NRXN3: variants seen among roughly 807,000 people sequenced by gnomAD.
NRXN3 encodes neurexin 3, also known as neurexin III.
NRXN3 carries 32 observed loss-of-function variants against 137.6 expected under a neutral mutation model. The ratio of observed to expected loss-of-function variants is 0.23; its 90% CI spans 0.18 to 0.31. NRXN3 has a LOEUF of 0.31. Ranked by LOEUF, NRXN3 falls within the 10% of genes least tolerant of loss-of-function variation. The pLI, the probability that NRXN3 is intolerant of heterozygous loss-of-function variation, is 1.00. For missense variants in NRXN3, 1,574 were observed against 2,062.5 expected (o/e 0.76, Z 4.59); for synonymous variants, 798 against 784.5 (o/e 1.02, Z -0.29).
intron 19 of NRXN3, among the ~76,000 whole-genome samples, chr14:79,722,370 C>T (rs138216062): frequency 1.3e-5 from 2 of 152,042 alleles, no homozygotes; most frequent in Non-Finnish European, 2.9e-5. Context: ...AGGATAAAAT[C>T]GAATATCCTT....
Position 78,380,281 on chromosome 14 carries a change from C to T in NRXN3, c.757+82421C>T, listed in dbSNP as rs1157285491. ...GCGCCACTGCAGTCCGCAGTCCGGC[C>T]TGGGCGACAGAGCGAGACTCCGTCT... is the stretch of plus-strand genomic sequence containing the variant. On this transcript the variant is annotated intron_variant, in intron 4 of 20. Transcript: ENST00000335750. Among the ~76,000 whole-genome samples, 5 of 118,688 alleles carry T rather than the reference C, an allele frequency of 4.2e-5. No homozygotes were observed. The Admixed American group carries it at 6.4e-4, about 15-fold the overall frequency. 77.9% of individuals were successfully genotyped at this position (118,688 alleles called of 152,430 possible).
chr14:78,987,013 C>G (rs1179872758), intron 14 of NRXN3, among the ~76,000 whole-genome samples: 1 of 101,340 alleles, frequency 9.9e-6, no homozygotes, highest in African/African-American at 4.3e-5. Flanking sequence ...CAGAGCGAGA[C>G]TGTCTCAAAA....
At chr14:79,105,310 T>G (rs1465389097) in intron 15 of NRXN3, among the ~76,000 whole-genome samples, 1 of 152,156 alleles carries the variant, frequency 6.6e-6, no homozygotes, top group Admixed American at 6.6e-5. Flanking sequence ...AAAAAGAACT[T>G]CTTCAGTCAC....
At chr14:79,735,206 C>T (rs1329618629) in intron 19 of NRXN3, among the ~76,000 whole-genome samples, 1 of 152,146 alleles carries the variant, frequency 6.6e-6, no homozygotes, top group Non-Finnish European at 1.5e-5. Flanking sequence ...AGTCCAGGAC[C>T]TTGGGCTTAA....
chr14:79,129,872 T>A (rs1302479556), intron 15 of NRXN3, among the ~76,000 whole-genome samples: 1 of 138,594 alleles, frequency 7.2e-6, no homozygotes, highest in Non-Finnish European at 1.6e-5. Flanking sequence ...CTGTATTGGG[T>A]GCATATATAT....
intron 10 of NRXN3, among the ~76,000 whole-genome samples, chr14:78,876,309 T>C (rs568001654): frequency 5.3e-5 from 8 of 152,124 alleles, no homozygotes; most frequent in Non-Finnish European, 1.2e-4. Flanking sequence ...GAAAGCTAAA[T>C]GTCAGACTTG....
intron 15 of NRXN3, among the ~76,000 whole-genome samples, chr14:79,028,371 C>A (rs1005053183): frequency 1.3e-5 from 2 of 152,126 alleles, no homozygotes; most frequent in Non-Finnish European, 1.5e-5. Context: ...CTTTAAACAT[C>A]TTATCTGCAC....
intron 2 of NRXN3, among the ~76,000 whole-genome samples, chr14:78,271,386 C>G (rs529090494): frequency 6.6e-6 from 1 of 151,430 alleles, no homozygotes; most frequent in Non-Finnish European, 1.5e-5. Context: ...AGAAATTTGC[C>G]AAAAATATTT....
chr14:78,665,872 G>A (rs928710173), intron 6 of NRXN3, among the ~76,000 whole-genome samples: 11 of 152,122 alleles, frequency 7.2e-5, no homozygotes, highest in African/African-American at 2.4e-4. Context: ...GCTAGGCAAT[G>A]TCAATTTATC....
chr14:78,896,484 T>A (rs1277454326), intron 10 of NRXN3, among the ~76,000 whole-genome samples: 1 of 151,814 alleles, frequency 6.6e-6, no homozygotes, highest in Non-Finnish European at 1.5e-5. Context: ...TATATTCAGC[T>A]CCACAATGAT....
chr14:79,515,846 A>G (rs2096978693), intron 16 of NRXN3, among the ~76,000 whole-genome samples: 2 of 152,150 alleles, frequency 1.3e-5, no homozygotes, highest in Admixed American at 6.5e-5. Context: ...AGCAGTGTTT[A>G]GCGTGGCATA....
chr14:79,796,103 A>C (rs940943351), intron 19 of NRXN3, among the ~76,000 whole-genome samples: 2 of 152,170 alleles, frequency 1.3e-5, no homozygotes, highest in African/African-American at 4.8e-5. Context: ...AATCCTAGAG[A>C]GGACAGCACC....
In NRXN3 at chr14:78,258,049, T is replaced by A. The variant is rs183906837; in HGVS notation, c.709+14247T>A. Among the ~76,000 whole-genome samples, 4 of 152,324 alleles carry A rather than the reference T, an allele frequency of 2.6e-5. No homozygotes were observed. In the East Asian group the frequency reaches 7.7e-4, roughly 29 times the overall value. ...GCCTGTCACATACTAAACTGCAAAT[T>A]TGGGCAAATAATCTCACTTCTCTGT... On this transcript the variant is annotated intron_variant, in intron 2 of 20. Coordinates refer to ENST00000335750, the MANE Select transcript of NRXN3 (RefSeq NM_001330195.2).
intron 1 of NRXN3, among the ~76,000 whole-genome samples, chr14:78,211,971 G>C (rs951763335): frequency 6.6e-6 from 1 of 152,208 alleles, no homozygotes. Flanking sequence ...TAGGGTCTGG[G>C]GGTGTCCTTT....
chr14:79,045,806 A>G (rs2099632239), intron 15 of NRXN3, among the ~76,000 whole-genome samples: 1 of 152,198 alleles, frequency 6.6e-6, no homozygotes, highest in African/African-American at 2.4e-5. Flanking sequence ...CCAGTGATTG[A>G]TAATGCCTCG....
intron 10 of NRXN3, among the ~76,000 whole-genome samples, chr14:78,850,131 T>TA (rs2099038715): frequency 6.6e-6 from 1 of 151,856 alleles, no homozygotes; most frequent in Non-Finnish European, 1.5e-5. Context: ...CTGCCACTAA[T>TA]ACCTGAGAGA....
chr14:79,604,225 T>C (rs2097966989), intron 16 of NRXN3, among the ~76,000 whole-genome samples: 1 of 148,584 alleles, frequency 6.7e-6, no homozygotes, highest in Non-Finnish European at 1.5e-5. Context: ...GGTTTTTCTT[T>C]GTTTTTTGTT....
chr14:79,020,431 AT>A lies in NRXN3; in HGVS notation c.3262+32303del, dbSNP rs144058950. 8.2e-3 allele frequency among the ~76,000 whole-genome samples: 1,141 copies of A among 138,566 alleles called. 7 individuals are homozygous for A. The highest frequency in any genetic ancestry group is 0.023 in the African/African-American group (860 of 37,238). The allele number at this position is 138,566 out of a possible 152,430, so 90.9% of individuals were successfully genotyped here. A position where few individuals can be genotyped will look rare whatever the true frequency, so the allele number is the denominator to read the frequency against. On this transcript the variant is annotated intron_variant, in intron 15 of 20. Transcript: ENST00000335750. The stretch of plus-strand genomic sequence containing the variant: ...CAGGCATGTGCCACCACGCCTGGCT[AT>A]TTTTTTTTTTTTAATAGAGATGGGG...
intron 20 of NRXN3, among the ~76,000 whole-genome samples, chr14:79,837,950 A>G (rs900892995): frequency 2.0e-5 from 3 of 152,272 alleles, no homozygotes; most frequent in African/African-American, 4.8e-5. Context: ...TCTTATAGAT[A>G]TTTGTCCTTT....
Sources: gnomAD v4.1 joint callset for allele counts (sites outside exome capture counted in the v4.1 genomes callset) on GRCh38, gnomAD v4.1.1 for gene constraint, MANE v1.5 for transcripts, NCBI Gene and HGNC (gene_info 2026-07-23, HGNC 2026-07-21) for gene names.